The following AQR variants were observed in gnomAD, a reference collection of about 807,000 sequenced individuals.
AQR encodes aquarius intron-binding spliceosomal factor, also known as RNA helicase aquarius.
Under a neutral mutation model 180.5 loss-of-function variants are expected in AQR, and 61 were observed. The observed-to-expected ratio is 0.34, with a 90% CI of 0.28 to 0.42. The LOEUF (loss-of-function observed/expected upper bound fraction) is 0.42. Among genes scored for constraint, AQR ranks in the 10% least tolerant of loss-of-function variants. The pLI, the probability that AQR is intolerant of heterozygous loss-of-function variation, is 1.00. For synonymous variants in AQR, 551 were observed against 588.8 expected, an observed-to-expected ratio of 0.94 and a Z score of 0.93; for missense variants, 1,281 against 1,798.3, an observed-to-expected ratio of 0.71 and a Z score of 5.20.
At chr15:34,940,474 G>A (rs1894007043) in intron 8 of AQR, among the ~76,000 whole-genome samples, 1 of 152,164 alleles carries the variant, frequency 6.6e-6, no homozygotes, top group African/African-American at 2.4e-5. Flanking sequence ...AGGTTGCAGT[G>A]AGCCACAGTC....
chr15:34,935,162 G>A (rs1893927808), intron 9 of AQR, among the ~76,000 whole-genome samples: 1 of 151,980 alleles, frequency 6.6e-6, no homozygotes, highest in South Asian at 2.1e-4. Context: ...TTTAACATTA[G>A]AATGCCAATG....
Position 34,856,292 on chromosome 15 carries a change from T to C in AQR, c.*500A>G, listed in dbSNP as rs74009747. Reference sequence around the variant, plus strand: ...AAATGCATGTAACCACTTTGATAGATTGAAGAAACCTGTATCTTACTGCTA... The same window carrying C: ...AAATGCATGTAACCACTTTGATAGACTGAAGAAACCTGTATCTTACTGCTA... On this transcript the variant is annotated 3_prime_UTR_variant, in exon 35 of 35. Coordinates refer to ENST00000156471, the MANE Select transcript of AQR (RefSeq NM_014691.3). 11,217 of 353,792 alleles carry C rather than the reference T, an allele frequency of 0.032. 1,190 individuals are homozygous for C. Among genetic ancestry groups the C allele is most frequent in the African/African-American group, 0.21 (10,230 of 47,780 alleles). The allele number at this position is 353,792 out of a possible 1,614,324, so 21.9% of individuals were successfully genotyped here. A position where few individuals can be genotyped will look rare whatever the true frequency, so the allele number is the denominator to read the frequency against.
chr15:34,879,285 A>G (rs1239831656), intron 27 of AQR, among the ~76,000 whole-genome samples: 1 of 152,242 alleles, frequency 6.6e-6, no homozygotes, highest in Non-Finnish European at 1.5e-5. Context: ...TGCTTCTAAG[A>G]TAATAAAACT....
intron 15 of AQR, 132 bp from the exon 16 acceptor site, chr15:34,915,311 C>T (rs574772647): frequency 2.0e-4 from 176 of 889,498 alleles, no homozygotes; most frequent in Non-Finnish European, 2.7e-4. Context: ...CTGCCTCAGC[C>T]TCCTGAGTAG....
intron 9 of AQR, among the ~76,000 whole-genome samples, chr15:34,937,194 C>A (rs541541753): frequency 2.6e-5 from 4 of 152,064 alleles, no homozygotes. Flanking sequence ...CCTGCCACTG[C>A]GCCTGGCTAA....
chr15:34,862,825 T>C (rs1321718939), intron 33 of AQR, 42 bp downstream of exon 33: 1 of 1,601,216 alleles, frequency 6.2e-7, no homozygotes. Flanking sequence ...CAATTTCCAC[T>C]CTGAGGAATG....
At chr15:34,956,082 C>G (rs981653603) in intron 3 of AQR, among the ~76,000 whole-genome samples, 1 of 151,936 alleles carries the variant, frequency 6.6e-6, no homozygotes, top group Non-Finnish European at 1.5e-5. Context: ...CGACAATGTT[C>G]GTGGAGTTTT....
chr15:34,946,503 G>C (rs1318234453), intron 5 of AQR, among the ~76,000 whole-genome samples: 1 of 137,032 alleles, frequency 7.3e-6, no homozygotes, highest in Non-Finnish European at 1.6e-5. Flanking sequence ...CCCCCGCCCG[G>C]CCAGCCGCCC....
intron 12 of AQR, among the ~76,000 whole-genome samples, chr15:34,929,944 C>A (rs912056052): frequency 6.6e-6 from 1 of 152,208 alleles, no homozygotes; most frequent in Non-Finnish European, 1.5e-5. Flanking sequence ...TGGTTACGCA[C>A]CCCCTGCCAT....
intron 14 of AQR, among the ~76,000 whole-genome samples, chr15:34,919,453 G>C (rs974747341): frequency 1.3e-5 from 2 of 152,024 alleles, no homozygotes; most frequent in Non-Finnish European, 2.9e-5. Flanking sequence ...AGGGAAGGGA[G>C]GAAACAAAAC....
At chr15:34,885,406 A>G (rs944687020) in intron 25 of AQR, among the ~76,000 whole-genome samples, 4 of 152,130 alleles carry the variant, frequency 2.6e-5, no homozygotes, top group African/African-American at 9.7e-5. Flanking sequence ...CCTTATGCAA[A>G]ATATCTGAGG....
At chr15:34,905,797 G>T (rs1291659550) in intron 18 of AQR, among the ~76,000 whole-genome samples, 1 of 152,106 alleles carries the variant, frequency 6.6e-6, no homozygotes, top group Non-Finnish European at 1.5e-5. Context: ...AAAAAGCTTT[G>T]AATAAAGATG....
At chr15:34,921,067 C>T (rs371060149) in intron 13 of AQR, among the ~76,000 whole-genome samples, 4 of 152,208 alleles carry the variant, frequency 2.6e-5, no homozygotes, top group East Asian at 3.9e-4. Context: ...AATTTGGACT[C>T]GAGTACCTGT....
chr15:34,886,396 C>T (rs1434848339), intron 25 of AQR, 130 bp downstream of exon 25: 4 of 840,668 alleles, frequency 4.8e-6, no homozygotes, highest in East Asian at 2.8e-5. Context: ...AAATATAGCA[C>T]TTGCAATACC....
intron 1 of AQR, among the ~76,000 whole-genome samples, chr15:34,968,711 CA>C (rs2050326646): frequency 6.6e-6 from 1 of 152,122 alleles, no homozygotes; most frequent in South Asian, 2.1e-4. Context: ...AAAACAATGG[CA>C]ACCAAGCTTA....
chr15:34,886,412 T>C (rs932095809), intron 25 of AQR, 114 bp downstream of exon 25: 5 of 1,089,680 alleles, frequency 4.6e-6, no homozygotes, highest in East Asian at 2.5e-5. Flanking sequence ...ATACCATACA[T>C]TCTAATCTAC....
intron 19 of AQR, among the ~76,000 whole-genome samples, chr15:34,901,106 C>T (rs180813394): frequency 2.6e-5 from 4 of 152,216 alleles, no homozygotes; most frequent in Non-Finnish European, 4.4e-5. Context: ...GTTAAGAGTT[C>T]GCTTAGACAG....
intron 23 of AQR, 49 bp downstream of exon 23, chr15:34,893,614 C>G: frequency 8.5e-7 from 1 of 1,171,592 alleles, no homozygotes; most frequent in Admixed American, 2.0e-5. Context: ...CGTGCACACA[C>G]ACACACACAC....
At chr15:34,926,108 A>C (rs901324806) in intron 13 of AQR, among the ~76,000 whole-genome samples, 3 of 152,204 alleles carry the variant, frequency 2.0e-5, no homozygotes, top group African/African-American at 7.2e-5. Context: ...CGGAACTTGC[A>C]GTGAGCCACT....
Sources: allele counts gnomAD v4.1 joint callset (sites outside exome capture counted in the v4.1 genomes callset), GRCh38; gene constraint gnomAD v4.1.1; transcripts MANE v1.5; gene names NCBI Gene and HGNC (gene_info 2026-07-23, HGNC 2026-07-21).